The following RAB3IP variants were observed in gnomAD, a reference collection of about 807,000 sequenced individuals.
RAB3IP encodes the protein RAB3A interacting protein.
In RAB3IP, 36 loss-of-function variants were observed where a neutral mutation model predicts 59.1. The observed-to-expected ratio is 0.61, with a 90% CI of 0.47 to 0.80. RAB3IP has a LOEUF of 0.80. Among genes scored for constraint, RAB3IP ranks in the 30% least tolerant of loss-of-function variants. The pLI, the probability that RAB3IP is intolerant of heterozygous loss-of-function variation, is 0.00. For missense variants in RAB3IP, 511 were observed against 536.0 expected, an observed-to-expected ratio of 0.95 and a Z score of 0.46; for synonymous variants, 207 against 191.2, an observed-to-expected ratio of 1.08 and a Z score of -0.68.
At chr12:69,750,020 T>G (rs1868976213) in intron 1 of RAB3IP, among the ~76,000 whole-genome samples, 1 of 152,170 alleles carries the variant, frequency 6.6e-6, no homozygotes, top group Non-Finnish European at 1.5e-5. Flanking sequence ...AAGAGAAACA[T>G]TTTCACTAGA....
intron 6 of RAB3IP, among the ~76,000 whole-genome samples, chr12:69,799,076 C>G (rs1331821594): frequency 1.3e-5 from 2 of 152,026 alleles, no homozygotes; most frequent in Non-Finnish European, 2.9e-5. Flanking sequence ...TATTATTTAT[C>G]CTGTTGCTTT....
In RAB3IP at chr12:69,815,347, C is replaced by T. The variant is rs1327898592; in HGVS notation, c.1301-17C>T. On this transcript the variant is annotated splice_polypyrimidine_tract_variant and intron_variant, in intron 10 of 10. Coordinates refer to ENST00000247833, the MANE Select transcript of RAB3IP (RefSeq NM_022456.5). Reference sequence around the variant, plus strand: ...GGTATTTTATGATTTAAATATCTCTCTTTTCTGTTTGTATAGTTGATCAGA... The same window carrying T: ...GGTATTTTATGATTTAAATATCTCTTTTTTCTGTTTGTATAGTTGATCAGA... The T allele has an allele frequency of 6.5e-7, 1 of 1,535,948 alleles. No homozygotes were observed. Among genetic ancestry groups the T allele is most frequent in the Non-Finnish European group, 9.0e-7 (1 of 1,113,562 alleles).
At chr12:69,773,399 C>CTTTTTTTTTTTTTTTTTTTT (rs71437123) in intron 3 of RAB3IP, among the ~76,000 whole-genome samples, 8 of 48,002 alleles carry the variant, frequency 1.7e-4, no homozygotes, top group East Asian at 6.3e-4. Context: ...ATTTGTCTTT[C>CTTTTTTTTTTTTTTTTTTTT]TTTTTTTTTT....
intron 1 of RAB3IP, among the ~76,000 whole-genome samples, chr12:69,754,955 A>T (rs1232123803): frequency 1.3e-5 from 2 of 152,182 alleles, no homozygotes; most frequent in African/African-American, 2.4e-5. Context: ...ATACTAATTG[A>T]TTATTCTCAC....
At chr12:69,771,792 C>T (rs763823140) in intron 3 of RAB3IP, among the ~76,000 whole-genome samples, 1 of 152,102 alleles carries the variant, frequency 6.6e-6, no homozygotes, top group Non-Finnish European at 1.5e-5. Flanking sequence ...TCTCCACATC[C>T]TCCTCAGTGT....
chr12:69,790,475 T>C (rs1467856808), intron 4 of RAB3IP, among the ~76,000 whole-genome samples: 2 of 152,230 alleles, frequency 1.3e-5, no homozygotes, highest in Non-Finnish European at 2.9e-5. Flanking sequence ...AAATGTCTAT[T>C]CTACCCAAGT....
At chr12:69,815,178 T>C (rs534647063) in intron 10 of RAB3IP, among the ~76,000 whole-genome samples, 186 bp from the exon 11 acceptor site, 1 of 152,354 alleles carries the variant, frequency 6.6e-6, no homozygotes, top group Non-Finnish European at 1.5e-5. Flanking sequence ...CTGGTGACTT[T>C]TGCTTTATTG....
At chr12:69,739,656 C>G (rs1887079922) in intron 1 of RAB3IP, 1 of 626,586 alleles carries the variant, frequency 1.6e-6, no homozygotes, top group Middle Eastern at 4.3e-4. Flanking sequence ...GGAGTCGCGC[C>G]CAAGTAGGCA....
At position 69,822,652 on chromosome 12, in the gene RAB3IP, T is replaced by G. The variant is rs1470804927; in HGVS notation, c.*7206T>G. On this transcript the variant is annotated 3_prime_UTR_variant, in exon 11 of 11. Transcript: ENST00000247833. ...ATACAGTTAATAATTTATTGTATAT[T>G]TCACAATAAAGGAGTGGATTTGGAA... is the stretch of plus-strand genomic sequence containing the variant. 6.6e-6 allele frequency: 1 copy of G among 152,178 alleles called. No individual in the cohort carries two copies. The highest frequency in any genetic ancestry group is 1.5e-5 in the Non-Finnish European group (1 of 68,038). 9.4% of individuals were successfully genotyped at this position (152,178 alleles called of 1,614,324 possible).
chr12:69,804,652 C>G (rs983147336), intron 8 of RAB3IP, among the ~76,000 whole-genome samples: 2 of 152,032 alleles, frequency 1.3e-5, no homozygotes, highest in East Asian at 1.9e-4. Context: ...GTCTTTAATC[C>G]ATCTTGAATT....
In RAB3IP at chr12:69,812,691, T is replaced by C. The variant is rs980572815; in HGVS notation, c.1131-87T>C. On this transcript the variant is annotated intron_variant, in intron 8 of 10. Transcript: ENST00000247833. ...ACAGTAGGTTCTCAAATATTTGTTA[T>C]CTAACTGAATGAATAGGCAACTTGT... 77 of 827,450 alleles carry C rather than the reference T, an allele frequency of 9.3e-5. 1 individual carries two copies. The highest frequency in any genetic ancestry group is 7.5e-4 in the South Asian group (44 of 58,700). The allele number at this position is 827,450 out of a possible 1,614,324, so 51.3% of individuals were successfully genotyped here. A position where few individuals can be genotyped will look rare whatever the true frequency, so the allele number is the denominator to read the frequency against.
chr12:69,768,262 A>G (rs1169692719), intron 3 of RAB3IP, among the ~76,000 whole-genome samples: 1 of 151,930 alleles, frequency 6.6e-6, no homozygotes, highest in Non-Finnish European at 1.5e-5. Flanking sequence ...ACCACAGTCT[A>G]TGTCCAGGAA....
chr12:69,821,131 C>T lies in RAB3IP; in HGVS notation c.*5685C>T, dbSNP rs772570426. 6.6e-6 allele frequency: 1 copy of T among 152,236 alleles called. No homozygotes were observed. Among genetic ancestry groups the T allele is most frequent in the African/African-American group, 2.4e-5 (1 of 41,432 alleles). 9.4% of individuals were successfully genotyped at this position (152,236 alleles called of 1,614,324 possible). A position where few individuals can be genotyped will look rare whatever the true frequency, so the allele number is the denominator to read the frequency against. On this transcript the variant is annotated 3_prime_UTR_variant, in exon 11 of 11. Transcript: ENST00000247833. ...GACTAGATTCTAGAGCTACAGGTCTCAGGGACAGTCTCGAGGGATACAGGG... is the reference window on the plus strand; with the variant it reads ...GACTAGATTCTAGAGCTACAGGTCTTAGGGACAGTCTCGAGGGATACAGGG...
intron 3 of RAB3IP, among the ~76,000 whole-genome samples, chr12:69,762,875 C>T (rs1871582249): frequency 6.6e-6 from 1 of 151,264 alleles, no homozygotes; most frequent in South Asian, 2.1e-4. Context: ...TTGAAAATCA[C>T]ATACTTGCAC....
Position 69,816,270 on chromosome 12 carries a change from T to C in RAB3IP, c.*824T>C, listed in dbSNP as rs551811563. On this transcript the variant is annotated 3_prime_UTR_variant, in exon 11 of 11. Transcript: ENST00000247833. ...ATCTCTGCATTCCAAATTGTAAAAC[T>C]GACTCAACTGGAGAAATTATAACAA... The C allele has an allele frequency of 6.6e-6, 1 of 152,298 alleles. No homozygotes were observed. Among genetic ancestry groups the C allele is most frequent in the South Asian group, 2.1e-4 (1 of 4,832 alleles). 9.4% of individuals were successfully genotyped at this position (152,298 alleles called of 1,614,324 possible).
At position 69,805,814 on chromosome 12, in the gene RAB3IP, T is replaced by C. The variant is rs1488537499; in HGVS notation, c.1130+4093T>C. On this transcript the variant is annotated intron_variant, in intron 8 of 10. Transcript: ENST00000247833. ...TGGATTACGTTTATTGATTTTCTTA[T>C]GTTGAACCAGCCTTGCATCCCAGGG... 1.2e-4 allele frequency among the ~76,000 whole-genome samples: 18 copies of C among 152,368 alleles called. No homozygotes were observed. In the South Asian group the frequency reaches 2.5e-3, roughly 21 times the overall value.
At chr12:69,766,718 G>T (rs1227580823) in intron 3 of RAB3IP, among the ~76,000 whole-genome samples, 2 of 151,860 alleles carry the variant, frequency 1.3e-5, no homozygotes, top group African/African-American at 2.4e-5. Flanking sequence ...TTGAGATGGG[G>T]TTTCACCATG....
rs548158386 is a variant in RAB3IP, at chr12:69,822,582, C to T, written c.*7136C>T. On this transcript the variant is annotated 3_prime_UTR_variant, in exon 11 of 11. Transcript: ENST00000247833. ...GGGGTTGGGTAATGGGTGTAAAAAT[C>T]TATAGAAGGAATATGATCTGTTGTT... The T allele has an allele frequency of 5.3e-5, 8 of 151,936 alleles. No homozygotes were observed. The highest frequency in any genetic ancestry group is 2.9e-5 in the Non-Finnish European group (2 of 68,002). The allele number at this position is 151,936 out of a possible 1,614,324, so 9.4% of individuals were successfully genotyped here.
At chr12:69,741,372 T>C (rs1434672971) in intron 1 of RAB3IP, among the ~76,000 whole-genome samples, 3 of 152,236 alleles carry the variant, frequency 2.0e-5, no homozygotes, top group African/African-American at 7.2e-5. Context: ...AAAAACTGTA[T>C]CCGACTGCCC....
Sources: gnomAD v4.1 joint callset for allele counts (sites outside exome capture counted in the v4.1 genomes callset) on GRCh38, gnomAD v4.1.1 for gene constraint, MANE v1.5 for transcripts, NCBI Gene and HGNC (gene_info 2026-07-23, HGNC 2026-07-21) for gene names.